LMTK2: variants seen among roughly 807,000 people sequenced by gnomAD.
The protein encoded by LMTK2 is serine/threonine-protein kinase LMTK2.
LMTK2 carries 37 observed loss-of-function variants against 127.5 expected under a neutral mutation model. That is an observed-to-expected ratio of 0.29 (90% CI 0.22 to 0.38). The LOEUF (loss-of-function observed/expected upper bound fraction) is 0.38. Ranked by LOEUF, LMTK2 falls within the 10% of genes least tolerant of loss-of-function variation. The pLI is 1.00. For synonymous variants in LMTK2, 819 were observed against 810.1 expected (o/e 1.01, Z -0.19); for missense variants, 1,694 against 1,920.3 (o/e 0.88, Z 2.20).
At chr7:98,180,652 G>A (rs1797342001) in intron 7 of LMTK2, among the ~76,000 whole-genome samples, 1 of 152,188 alleles carries the variant, frequency 6.6e-6, no homozygotes, top group African/African-American at 2.4e-5. Context: ...AATTTGGAAA[G>A]GGCCTGACTA....
intron 7 of LMTK2, among the ~76,000 whole-genome samples, chr7:98,175,931 T>C (rs967312963): frequency 6.6e-6 from 1 of 152,220 alleles, no homozygotes; most frequent in African/African-American, 2.4e-5. Flanking sequence ...ATTTAAACTA[T>C]TCCGGACCAT....
At chr7:98,141,762 C>T (rs760815809) in intron 3 of LMTK2, among the ~76,000 whole-genome samples, 2 of 152,184 alleles carry the variant, frequency 1.3e-5, no homozygotes, top group Non-Finnish European at 2.9e-5. Context: ...GAGAATAAAA[C>T]GAATCTCCTT....
chr7:98,203,758 T>G, intron 12 of LMTK2, 52 bp downstream of exon 12: 16 of 1,606,834 alleles, frequency 1.0e-5, no homozygotes, highest in Non-Finnish European at 1.4e-5. Flanking sequence ...TTGAGTAATG[T>G]AAAGGTTTTT....
chr7:98,182,891 C>T (rs1352458049), intron 7 of LMTK2, among the ~76,000 whole-genome samples: 1 of 152,188 alleles, frequency 6.6e-6, no homozygotes. Flanking sequence ...ATCCTCTCAG[C>T]CAAGGACATC....
intron 6 of LMTK2, among the ~76,000 whole-genome samples, chr7:98,165,654 T>C (rs990915734): frequency 5.3e-5 from 8 of 151,956 alleles, no homozygotes; most frequent in African/African-American, 1.9e-4. Flanking sequence ...GGCCTCCATT[T>C]TAGAATTGGC....
intron 3 of LMTK2, among the ~76,000 whole-genome samples, chr7:98,147,420 C>T (rs763691144): frequency 6.6e-6 from 1 of 152,136 alleles, no homozygotes; most frequent in Non-Finnish European, 1.5e-5. Context: ...CAGCATCTCA[C>T]TGTGTTGCCT....
intron 3 of LMTK2, among the ~76,000 whole-genome samples, chr7:98,150,583 A>G (rs1211158069): frequency 6.6e-6 from 1 of 152,262 alleles, no homozygotes; most frequent in Non-Finnish European, 1.5e-5. Context: ...GATTTGTGAT[A>G]GCCTCAACCT....
intron 7 of LMTK2, among the ~76,000 whole-genome samples, chr7:98,175,342 T>G (rs1797261684): frequency 6.6e-6 from 1 of 152,092 alleles, no homozygotes; most frequent in African/African-American, 2.4e-5. Context: ...AAAGGGAGTT[T>G]AGGGAAATGT....
chr7:98,197,712 C>T (rs963490820), intron 11 of LMTK2, among the ~76,000 whole-genome samples: 12 of 152,086 alleles, frequency 7.9e-5, no homozygotes, highest in East Asian at 7.7e-4. Flanking sequence ...TGTGGTGGCC[C>T]GCACCTATAG....
intron 1 of LMTK2, among the ~76,000 whole-genome samples, chr7:98,125,109 C>T (rs976958005): frequency 1.3e-5 from 2 of 151,962 alleles, no homozygotes; most frequent in Admixed American, 1.3e-4. Context: ...CGAGACCATC[C>T]TGGCTAACAT....
chr7:98,154,788 A>G lies in LMTK2; in HGVS notation c.481A>G (p.Ser161Gly). ...CTTGGGAGAGATTTACACGGGCACT[A>G]GCGTAGCAAGAGTCATCGTGAAGGA... ...VLLGEIYTGT[S>G]VARVIVKELK... Residue 161 changes from serine (S) to glycine (G), a missense_variant, in exon 5 of 14, where the codon AGC (serine) becomes GGC (glycine). Ser to Gly is a moderately conservative substitution (Grantham distance 56). Transcript: ENST00000297293. 1 of 1,613,334 alleles carries G rather than the reference A, an allele frequency of 6.2e-7. No homozygotes were observed. The highest frequency in any genetic ancestry group is 1.7e-5 in the Admixed American group (1 of 60,006).
At chr7:98,159,068 A>T (rs558985074) in intron 5 of LMTK2, among the ~76,000 whole-genome samples, 3 of 152,114 alleles carry the variant, frequency 2.0e-5, no homozygotes, top group Non-Finnish European at 4.4e-5. Flanking sequence ...TTGAAAAAAA[A>T]TTTTTAAAGT....
chr7:98,191,826 G>C lies in LMTK2; in HGVS notation c.1361G>C (p.Arg454Pro), dbSNP rs1385769016. The C allele has an allele frequency of 1.9e-6, 3 of 1,614,030 alleles. No individual in the cohort carries two copies. Residue 454 changes from arginine to proline, a missense_variant, in exon 11 of 14, where the codon CGG becomes CCG. Physicochemically the swap from Arg to Pro is moderately radical, Grantham distance 103 (BLOSUM62 -2). This residue lies in a region of LMTK2 where 216 missense variants were observed against 266.8 expected (regional missense o/e 0.81). Transcript: ENST00000297293. ...FPILDHFARD[R>P]LGREMEEVLT... ...ATTCTCGACCACTTTGCCAGGGACC[G>C]GCTGGGTCGTGAAATGGAGGAAGTC...
At position 98,192,550 on chromosome 7, in the gene LMTK2, C is replaced by T. The variant is rs779866470; in HGVS notation, c.2085C>T (p.Asp695=). 3.7e-6 allele frequency: 6 copies of T among 1,612,790 alleles called. No homozygotes were observed. Among genetic ancestry groups the T allele is most frequent in the Non-Finnish European group, 1.7e-6 (2 of 1,179,722 alleles). ...FEKEKPRKIF[D]SEPLCLSDNL... is the part of the protein sequence containing the mutation. ...AAGAAAAGCCCCGTAAGATTTTTGA[C>T]AGTGAGCCTCTCTGCCTATCAGATA... is the stretch of plus-strand genomic sequence containing the variant. The change falls in exon 11 of 14, where the codon GAC becomes GAT. Residue 695 remains aspartate, a synonymous_variant. Coordinates refer to ENST00000297293, the MANE Select transcript of LMTK2 (RefSeq NM_014916.4).
At chr7:98,185,209 A>G (rs928576088) in intron 8 of LMTK2, 74 bp downstream of exon 8, 53 of 1,024,708 alleles carry the variant, frequency 5.2e-5, no homozygotes, top group Non-Finnish European at 7.1e-5. Context: ...CAAATGCCCC[A>G]CTGTTTGTAT....
chr7:98,167,730 C>A (rs575520339), intron 6 of LMTK2, among the ~76,000 whole-genome samples: 1 of 152,066 alleles, frequency 6.6e-6, no homozygotes, highest in African/African-American at 2.4e-5. Context: ...GAGAGCTGTA[C>A]GTGAGGCATG....
chr7:98,190,799 A>G lies in LMTK2; in HGVS notation c.1070A>G (p.Asp357Gly), dbSNP rs867311511. The G allele has an allele frequency of 1.9e-6, 3 of 1,613,930 alleles. No individual in the cohort carries two copies. Among genetic ancestry groups the G allele is most frequent in the Admixed American group, 3.3e-5 (2 of 59,984 alleles). ...CCGTATTCAAACCTTTCCAACTTAGATGTCCTCAACCAAGTCATTAGAGAG... is the reference window on the plus strand; with the variant it reads ...CCGTATTCAAACCTTTCCAACTTAGGTGTCCTCAACCAAGTCATTAGAGAG... Reference protein sequence around the residue: ...AQPYSNLSNLDVLNQVIRERD... With the variant: ...AQPYSNLSNLGVLNQVIRERD... The change falls in exon 10 of 14, where the codon GAT (aspartate) becomes GGT (glycine). Residue 357 changes from aspartate (D) to glycine (G), a missense_variant. Transcript: ENST00000297293.
chr7:98,178,105 G>C (rs1003166115), intron 7 of LMTK2, among the ~76,000 whole-genome samples: 1 of 152,170 alleles, frequency 6.6e-6, no homozygotes, highest in Non-Finnish European at 1.5e-5. Context: ...ATAAAATGGG[G>C]ATCGTCTTTA....
chr7:98,148,168 G>A (rs1015302161), intron 3 of LMTK2, among the ~76,000 whole-genome samples: 1 of 151,796 alleles, frequency 6.6e-6, no homozygotes, highest in Non-Finnish European at 1.5e-5. Context: ...ACTCCAGCCT[G>A]AGTGATACAG....
Sources: gnomAD v4.1 joint callset for allele counts (sites outside exome capture counted in the v4.1 genomes callset) on GRCh38, gnomAD v4.1.1 for gene constraint, gnomAD v4.1.1 regional missense constraint, MANE v1.5 for transcripts, NCBI Gene and HGNC (gene_info 2026-07-23, HGNC 2026-07-21) for gene names.